The following LHPP variants were observed in gnomAD, a reference collection of about 807,000 sequenced individuals.
LHPP encodes the protein hLHPP.
Under a neutral mutation model 30.3 loss-of-function variants are expected in LHPP, and 24 were observed. That is an observed-to-expected ratio of 0.79 (90% confidence interval 0.57 to 1.11). LHPP has a LOEUF of 1.11. Ranked by LOEUF, LHPP falls within the 50% of genes most tolerant of loss-of-function variation. The probability of loss-of-function intolerance (pLI) is 0.00; values close to 1 mark genes in which losing one functional copy is unlikely to be tolerated. For missense variants in LHPP, 356 were observed against 367.2 expected, an observed-to-expected ratio of 0.97 and a Z score of 0.25; for synonymous variants, 150 against 157.1, an observed-to-expected ratio of 0.95 and a Z score of 0.34.
intron 6 of LHPP, among the ~76,000 whole-genome samples, chr10:124,601,992 C>T (rs528919459): frequency 6.6e-6 from 1 of 152,356 alleles, no homozygotes; most frequent in East Asian, 1.9e-4. Context: ...TGCTGTGCCC[C>T]GTCCTCCGCT....
chr10:124,571,716 G>A (rs775429673), intron 6 of LHPP, among the ~76,000 whole-genome samples: 8 of 152,112 alleles, frequency 5.3e-5, no homozygotes, highest in South Asian at 2.1e-4. Flanking sequence ...CTCCCTAACC[G>A]TGTTCCCTGG....
chr10:124,481,388 T>TTC (rs1953127674), intron 1 of LHPP, among the ~76,000 whole-genome samples: 1 of 134,554 alleles, frequency 7.4e-6, no homozygotes, highest in East Asian at 2.0e-4. Context: ...TTTTTTTTTT[T>TTC]TTTTTTGCGA....
At position 124,601,911 on chromosome 10, in the gene LHPP, T is replaced by A. The variant is rs1309197064; in HGVS notation, c.717-11353T>A. On this transcript the variant is annotated intron_variant, in intron 6 of 6. Transcript: ENST00000368842. The stretch of plus-strand genomic sequence containing the variant: ...TGGAGCACCAGCCATGGGGAGGCCG[T>A]GGGCTACCAGGCCCTGCGTGCACTC... Among the ~76,000 whole-genome samples, 6 of 152,198 alleles carry A rather than the reference T, an allele frequency of 3.9e-5. No individual in the cohort carries two copies. The South Asian group carries it at 1.2e-3, about 31-fold the overall frequency.
At chr10:124,533,685 C>T (rs552775488) in intron 6 of LHPP, among the ~76,000 whole-genome samples, 7 of 152,372 alleles carry the variant, frequency 4.6e-5, no homozygotes, top group African/African-American at 1.4e-4. Context: ...ACCCAGGTGG[C>T]CCGCTTCTGC....
intron 1 of LHPP, among the ~76,000 whole-genome samples, chr10:124,466,929 C>T (rs953419220): frequency 7.1e-6 from 1 of 141,112 alleles, no homozygotes; most frequent in Non-Finnish European, 1.6e-5. Context: ...TTGAGACCAG[C>T]CTGGGCAACA....
At chr10:124,601,497 TGAGG>T (rs1202938453) in intron 6 of LHPP, among the ~76,000 whole-genome samples, 19 of 152,292 alleles carry the variant, frequency 1.2e-4, no homozygotes, top group Middle Eastern at 3.4e-3. Context: ...ATTTGCCACG[TGAGG>T]GAGTCTCTGG....
chr10:124,475,262 T>C (rs1188565779), intron 1 of LHPP, among the ~76,000 whole-genome samples: 1 of 149,702 alleles, frequency 6.7e-6, no homozygotes, highest in Non-Finnish European at 1.5e-5. Flanking sequence ...CTCAAACTCC[T>C]GACCTCAAGT....
At chr10:124,562,865 G>C (rs1948416943) in intron 6 of LHPP, among the ~76,000 whole-genome samples, 2 of 151,446 alleles carry the variant, frequency 1.3e-5, no homozygotes, top group South Asian at 4.2e-4. Context: ...TGGGGAGGCA[G>C]AGGTTGTAGT....
intron 1 of LHPP, 108 bp downstream of exon 1, chr10:124,462,095 C>G: frequency 1.9e-6 from 2 of 1,030,934 alleles, no homozygotes; most frequent in Middle Eastern, 3.9e-4. Flanking sequence ...CGGCGCAGGC[C>G]CCGCCTCGGT....
chr10:124,461,949 C>T lies in LHPP; in HGVS notation c.87C>T (p.Gly29=), dbSNP rs1440834447. ...SGVLYDSGAG[G]GTAIAGSVEA... ...TGCTGTACGACAGCGGCGCGGGCGG[C>T]GGCACGGCCATCGCCGGCTCGGTGG... is the stretch of plus-strand genomic sequence containing the variant. The change falls in exon 1 of 7, where the codon GGC becomes GGT. Residue 29 remains glycine, a synonymous_variant. Coordinates refer to ENST00000368842, the MANE Select transcript of LHPP (RefSeq NM_022126.4). 8 of 1,234,236 alleles carry T rather than the reference C, an allele frequency of 6.5e-6. No individual in the cohort carries two copies. The highest frequency in any genetic ancestry group is 7.1e-6 in the Non-Finnish European group (7 of 984,860). The allele number at this position is 1,234,236 out of a possible 1,614,324, so 76.5% of individuals were successfully genotyped here.
At chr10:124,484,061 A>G in intron 1 of LHPP, 78 bp from the exon 2 acceptor site, 1 of 1,416,612 alleles carries the variant, frequency 7.1e-7, no homozygotes, top group South Asian at 1.2e-5. Flanking sequence ...ATGCCCTTCG[A>G]GAATCACCGC....
intron 3 of LHPP, among the ~76,000 whole-genome samples, chr10:124,491,382 G>A (rs1479901125): frequency 3.3e-5 from 5 of 152,170 alleles, no homozygotes; most frequent in African/African-American, 1.2e-4. Flanking sequence ...TTTTTATCTG[G>A]CCATTGGCCA....
intron 6 of LHPP, among the ~76,000 whole-genome samples, chr10:124,594,180 A>T (rs113450745): frequency 6.6e-6 from 1 of 152,114 alleles, no homozygotes; most frequent in South Asian, 2.1e-4. Flanking sequence ...ATACAAAAAA[A>T]CTAGCTGGGC....
intron 5 of LHPP, chr10:124,498,877 G>T: frequency 4.6e-6 from 1 of 216,358 alleles, no homozygotes; most frequent in South Asian, 4.6e-5. Context: ...ACCACGCCTG[G>T]CAAACTTTTT....
chr10:124,462,012 G>A, intron 1 of LHPP, 25 bp downstream of exon 1: 1 of 1,203,020 alleles, frequency 8.3e-7, no homozygotes. Flanking sequence ...GGACGCCGCT[G>A]GGGCCGCCGA....
chr10:124,528,993 G>A lies in LHPP; in HGVS notation c.716+11722G>A, dbSNP rs957004531. 5.3e-5 allele frequency among the ~76,000 whole-genome samples: 8 copies of A among 149,668 alleles called. No individual in the cohort carries two copies. In the East Asian group the frequency reaches 5.9e-4, roughly 11 times the overall value. On this transcript the variant is annotated intron_variant, in intron 6 of 6. Coordinates refer to ENST00000368842, the MANE Select transcript of LHPP (RefSeq NM_022126.4). ...AAGAGTTATTTTTTATGGCACAATC[G>A]CCCCTGCCCTGGGTTTGTGAATTTG...
rs141316184 is a variant in LHPP at position 124,537,774 on chromosome 10, G to A, written c.716+20503G>A. 2.5e-3 allele frequency among the ~76,000 whole-genome samples: 375 copies of A among 152,346 alleles called. 3 individuals are homozygous for A. The highest frequency in any genetic ancestry group is 8.4e-3 in the African/African-American group (351 of 41,582). On this transcript the variant is annotated intron_variant, in intron 6 of 6. Coordinates refer to ENST00000368842, the MANE Select transcript of LHPP (RefSeq NM_022126.4). ...CCCATGGGCCGGGCTGATATTACCC[G>A]AGACTTCGGAGCTCTCACGGGTGCG...
At chr10:124,504,929 G>T (rs1318712812) in intron 5 of LHPP, among the ~76,000 whole-genome samples, 2 of 152,184 alleles carry the variant, frequency 1.3e-5, no homozygotes, top group African/African-American at 2.4e-5. Context: ...TGGATTCCTG[G>T]TGGGTCACCG....
intron 6 of LHPP, among the ~76,000 whole-genome samples, chr10:124,599,641 C>T (rs1948996546): frequency 6.6e-6 from 1 of 152,252 alleles, no homozygotes; most frequent in African/African-American, 2.4e-5. Context: ...AGGCCTGGCT[C>T]TCAAAGCTTT....
Sources: gnomAD v4.1 joint callset for allele counts (sites outside exome capture counted in the v4.1 genomes callset) on GRCh38, gnomAD v4.1.1 for gene constraint, MANE v1.5 for transcripts, NCBI Gene and HGNC (gene_info 2026-07-23, HGNC 2026-07-21) for gene names.